VPS26A: variants seen among roughly 807,000 people sequenced by gnomAD.
VPS26A encodes the protein VPS26 retromer complex component A.
In VPS26A, 22 loss-of-function variants were observed where a neutral mutation model predicts 42.4. That is an observed-to-expected ratio of 0.52 (90% CI 0.37 to 0.74). The LOEUF is 0.74. Among genes scored for constraint, VPS26A ranks in the 30% least tolerant of loss-of-function variants. The pLI is 0.00. For synonymous variants in VPS26A, 110 were observed against 123.5 expected (o/e 0.89, Z 0.73); for missense variants, 276 against 379.2 (o/e 0.73, Z 2.26).
chr10:69,161,797 TTG>T (rs1480869102), intron 5 of VPS26A: 2 of 293,496 alleles, frequency 6.8e-6, no homozygotes, highest in Non-Finnish European at 1.4e-5. Context: ...TTTGGCAGCT[TTG>T]TGAATTCCAC....
chr10:69,141,637 T>C (rs1352915046), intron 2 of VPS26A, among the ~76,000 whole-genome samples: 1 of 152,218 alleles, frequency 6.6e-6, no homozygotes. Context: ...TGATCAGATT[T>C]TATCCTAAAA....
chr10:69,125,714 A>T (rs1452512499), intron 1 of VPS26A, among the ~76,000 whole-genome samples: 3 of 152,228 alleles, frequency 2.0e-5, no homozygotes. Context: ...ATGGTCACAG[A>T]TGTAATATAT....
At chr10:69,163,797 G>C (rs1447300326) in intron 6 of VPS26A, among the ~76,000 whole-genome samples, 1 of 136,518 alleles carries the variant, frequency 7.3e-6, no homozygotes, top group Non-Finnish European at 1.5e-5. Flanking sequence ...ACGGAGTCTC[G>C]CTCTGTGGCC....
chr10:69,136,747 G>T (rs928535928), intron 2 of VPS26A, among the ~76,000 whole-genome samples: 2 of 152,046 alleles, frequency 1.3e-5, no homozygotes, highest in Non-Finnish European at 2.9e-5. Flanking sequence ...ATAGAAAAAA[G>T]AATGCTTGAC....
intron 6 of VPS26A, among the ~76,000 whole-genome samples, chr10:69,165,516 T>C (rs774512908): frequency 6.6e-6 from 1 of 152,032 alleles, no homozygotes; most frequent in Non-Finnish European, 1.5e-5. Context: ...TCCTTTGTTG[T>C]TTAAAATGTG....
intron 8 of VPS26A, chr10:69,170,463 A>G (rs926723879): frequency 2.6e-5 from 4 of 152,200 alleles, no homozygotes; most frequent in African/African-American, 9.7e-5. Context: ...CATGAAGCAA[A>G]TAATTTTAGG....
intron 6 of VPS26A, among the ~76,000 whole-genome samples, chr10:69,163,606 TTTTC>T (rs1466129176): frequency 6.6e-6 from 1 of 152,158 alleles, no homozygotes; most frequent in African/African-American, 2.4e-5. Flanking sequence ...GTTCTGGGAT[TTTTC>T]TTATGGATTC....
chr10:69,152,459 G>A (rs546691775), intron 2 of VPS26A, among the ~76,000 whole-genome samples: 2 of 152,134 alleles, frequency 1.3e-5, no homozygotes, highest in Admixed American at 1.3e-4. Flanking sequence ...ATCATATGGT[G>A]TATCACAATT....
In VPS26A at chr10:69,164,207, A is replaced by G. The variant is rs571994212; in HGVS notation, c.658+1695A>G. 9.3e-5 allele frequency among the ~76,000 whole-genome samples: 14 copies of G among 149,858 alleles called. No homozygotes were observed. The East Asian group carries it at 2.7e-3, about 29-fold the overall frequency. On this transcript the variant is annotated intron_variant, in intron 6 of 8. Transcript: ENST00000263559. ...TGTGTAGAAACTATATATTAGAGAA[A>G]TCAATCCCCCTCCACCTTTTTTTTT...
Position 69,132,936 on chromosome 10 carries a change from C to A in VPS26A, c.42C>A (p.Ile14=). Residue 14 remains isoleucine, a synonymous_variant, in exon 2 of 9, where the codon ATC becomes ATA. Coordinates refer to ENST00000263559, the MANE Select transcript of VPS26A (RefSeq NM_004896.5). ...LGGFFGPICE[I]DIVLNDGETR... is the part of the protein sequence containing the mutation. ...GCTTTTTTGGTCCAATTTGTGAGATCGATATTGTTCTTAATGATGGGGAAA... is the reference window on the plus strand; with the variant it reads ...GCTTTTTTGGTCCAATTTGTGAGATAGATATTGTTCTTAATGATGGGGAAA... 6.3e-7 allele frequency: 1 copy of A among 1,598,860 alleles called. No homozygotes were observed. Among genetic ancestry groups the A allele is most frequent in the East Asian group, 2.3e-5 (1 of 44,056 alleles).
intron 2 of VPS26A, among the ~76,000 whole-genome samples, chr10:69,136,857 T>A (rs1331195375): frequency 6.6e-6 from 1 of 152,020 alleles, no homozygotes; most frequent in Non-Finnish European, 1.5e-5. Flanking sequence ...GATGGCGTGA[T>A]CTCGGCTCAC....
chr10:69,138,756 T>A (rs1840976390), intron 2 of VPS26A, among the ~76,000 whole-genome samples: 1 of 152,208 alleles, frequency 6.6e-6, no homozygotes, highest in Non-Finnish European at 1.5e-5. Flanking sequence ...CCTCTTATGT[T>A]ACATGTATAT....
intron 2 of VPS26A, among the ~76,000 whole-genome samples, chr10:69,145,025 A>T (rs952522029): frequency 1.1e-4 from 16 of 151,840 alleles, no homozygotes; most frequent in Non-Finnish European, 1.9e-4. Context: ...AATGTTATTT[A>T]ATTAAATTAA....
rs554471676 is a variant in VPS26A, at chr10:69,127,485, G to A, written c.3+3205G>A. On this transcript the variant is annotated intron_variant, in intron 1 of 8. Transcript: ENST00000263559. ...GGAGAATGGCATGAACCCGGGAGGCGGAGCTTGCAGTGAGCCGAGCTAGCG... is the reference window on the plus strand; with the variant it reads ...GGAGAATGGCATGAACCCGGGAGGCAGAGCTTGCAGTGAGCCGAGCTAGCG... Among the ~76,000 whole-genome samples, 124 of 151,080 alleles carry A rather than the reference G, an allele frequency of 8.2e-4. 1 individual carries two copies. The highest frequency in any genetic ancestry group is 2.8e-3 in the African/African-American group (114 of 41,258).
intron 5 of VPS26A, among the ~76,000 whole-genome samples, 190 bp from the exon 6 acceptor site, chr10:69,162,216 C>T (rs1436351764): frequency 2.6e-5 from 4 of 152,080 alleles, no homozygotes; most frequent in Non-Finnish European, 4.4e-5. Flanking sequence ...TCTTGAACTC[C>T]TGACCTCAAG....
At chr10:69,162,676 G>C (rs1841587802) in intron 6 of VPS26A, among the ~76,000 whole-genome samples, 164 bp downstream of exon 6, 1 of 151,858 alleles carries the variant, frequency 6.6e-6, no homozygotes, top group South Asian at 2.1e-4. Flanking sequence ...ATTACTTTTT[G>C]ATTGTCCAGA....
intron 8 of VPS26A, 112 bp from the exon 9 acceptor site, chr10:69,171,043 GC>G (rs1841801852): frequency 2.4e-6 from 2 of 848,666 alleles, no homozygotes; most frequent in East Asian, 5.4e-5. Flanking sequence ...AAAGAGGAGG[GC>G]TTTTGTAGGG....
At chr10:69,165,763 A>C (rs1216651805) in intron 6 of VPS26A, among the ~76,000 whole-genome samples, 2 of 152,096 alleles carry the variant, frequency 1.3e-5, no homozygotes, top group Non-Finnish European at 2.9e-5. Context: ...TGGGCAATAT[A>C]TTGAGAACCC....
intron 3 of VPS26A, 106 bp from the exon 4 acceptor site, chr10:69,156,901 C>A (rs900012934): frequency 1.9e-6 from 2 of 1,063,386 alleles, no homozygotes; most frequent in African/African-American, 1.6e-5. Context: ...TAGAGACAAA[C>A]TCAATAATTC....
Sources: allele counts gnomAD v4.1 joint callset (sites outside exome capture counted in the v4.1 genomes callset), GRCh38; gene constraint gnomAD v4.1.1; transcripts MANE v1.5; gene names NCBI Gene and HGNC (gene_info 2026-07-23, HGNC 2026-07-21).